GRK3: variants seen among roughly 807,000 people sequenced by gnomAD.
The protein encoded by GRK3 is adrenergic, beta, receptor kinase 2.
A neutral mutation model predicts 95.7 loss-of-function variants in GRK3; 54 were observed. The ratio of observed to expected loss-of-function variants is 0.56; its 90% CI spans 0.45 to 0.71. GRK3 has a LOEUF of 0.71. GRK3 is among the 30% of genes least tolerant of loss of function. The probability of loss-of-function intolerance (pLI) is 0.00; values close to 1 mark genes in which losing one functional copy is unlikely to be tolerated. For synonymous variants in GRK3, 281 were observed against 290.8 expected (o/e 0.97, Z 0.34); for missense variants, 649 against 851.2 (o/e 0.76, Z 2.96).
At chr22:25,585,297 G>T (rs1266775867) in intron 1 of GRK3, among the ~76,000 whole-genome samples, 2 of 152,268 alleles carry the variant, frequency 1.3e-5, no homozygotes, top group East Asian at 1.9e-4. Context: ...CTATGTAACC[G>T]CAATAGAGGT....
intron 17 of GRK3, 53 bp downstream of exon 17, chr22:25,711,216 C>G (rs965908682): frequency 7.8e-7 from 1 of 1,281,012 alleles, no homozygotes; most frequent in Non-Finnish European, 1.1e-6. Context: ...GGGATGATTT[C>G]TGTTGGAAAT....
At chr22:25,710,726 A>G (rs747087744) in intron 16 of GRK3, among the ~76,000 whole-genome samples, 111 of 152,174 alleles carry the variant, frequency 7.3e-4, no homozygotes, top group Non-Finnish European at 1.2e-3. Context: ...GGCTCCGGCA[A>G]CCCAAAGGTG....
At chr22:25,597,570 T>C (rs1443828659) in intron 1 of GRK3, among the ~76,000 whole-genome samples, 1 of 152,078 alleles carries the variant, frequency 6.6e-6, no homozygotes, top group Non-Finnish European at 1.5e-5. Flanking sequence ...TGTACAATTA[T>C]TATGTGTCAG....
At chr22:25,681,537 A>G (rs1025555541) in intron 9 of GRK3, among the ~76,000 whole-genome samples, 1 of 152,040 alleles carries the variant, frequency 6.6e-6, no homozygotes, top group African/African-American at 2.4e-5. Flanking sequence ...GGAGAGAGAC[A>G]TGAAGGCCAG....
In GRK3 at chr22:25,594,896, T is replaced by A. The variant is rs1036146465; in HGVS notation, c.114-9481T>A. On this transcript the variant is annotated intron_variant, in intron 1 of 20. Transcript: ENST00000324198. ...TCCATCTCAAAAATAAATAAATAAA[T>A]AAAATAAATAAATAAAAACAAAACC... is the stretch of plus-strand genomic sequence containing the variant. Among the ~76,000 whole-genome samples, 3 of 151,340 alleles carry A rather than the reference T, an allele frequency of 2.0e-5. 1 individual carries two copies. The highest frequency in any genetic ancestry group is 1.9e-4 in the East Asian group (1 of 5,170).
chr22:25,718,427 A>G (rs1461378458), intron 19 of GRK3, 46 bp downstream of exon 19: 2 of 1,592,546 alleles, frequency 1.3e-6, no homozygotes, highest in Non-Finnish European at 8.6e-7. Context: ...AGTACGTACA[A>G]TGGCATATGG....
Position 25,695,164 on chromosome 22 carries a change from C to G in GRK3, c.1110C>G (p.Ser370Arg). Residue 370 changes from serine (S) to arginine (R), a missense_variant, in exon 13 of 21, where the codon AGC (serine) becomes AGG (arginine). Physicochemically the swap from Ser to Arg is moderately radical, Grantham distance 110. Around this residue, in one of 3 missense-constraint regions of GRK3, gnomAD observed 382 missense variants for 493.8 expected, o/e 0.77. Coordinates refer to ENST00000324198, the MANE Select transcript of GRK3 (RefSeq NM_005160.4). ...EVLQKGTAYD[S>R]SADWFSLGCM... ...TGCAGAAGGGGACGGCCTATGACAG[C>G]AGTGCCGACTGGTTCTCCCTGGGCT... is the stretch of plus-strand genomic sequence containing the variant. The G allele has an allele frequency of 6.2e-7, 1 of 1,614,150 alleles. No homozygotes were observed. Among genetic ancestry groups the G allele is most frequent in the Non-Finnish European group, 8.5e-7 (1 of 1,179,998 alleles).
At chr22:25,668,957 A>T (rs1208377634) in intron 6 of GRK3, among the ~76,000 whole-genome samples, 1 of 152,334 alleles carries the variant, frequency 6.6e-6, no homozygotes, top group East Asian at 1.9e-4. Context: ...TCATAGCCTC[A>T]CAGTAAATGC....
At chr22:25,669,140 C>T (rs1327848711) in intron 6 of GRK3, among the ~76,000 whole-genome samples, 1 of 152,140 alleles carries the variant, frequency 6.6e-6, no homozygotes, top group Non-Finnish European at 1.5e-5. Context: ...AGCACAGGGA[C>T]TCCATCAATA....
chr22:25,696,944 C>G (rs1392731226), intron 13 of GRK3, among the ~76,000 whole-genome samples: 3 of 152,184 alleles, frequency 2.0e-5, no homozygotes, highest in Non-Finnish European at 4.4e-5. Flanking sequence ...CAGAGAAAGC[C>G]ATTTCCCCTA....
At chr22:25,721,204 TCTA>T (rs2085429915) in intron 19 of GRK3, 77 bp from the exon 20 acceptor site, 2 of 700,284 alleles carry the variant, frequency 2.9e-6, no homozygotes, top group Admixed American at 3.0e-5. Context: ...TTTTACTTGT[TCTA>T]ACTTGGTAGT....
intron 1 of GRK3, among the ~76,000 whole-genome samples, chr22:25,585,046 T>C (rs530059267): frequency 8.3e-4 from 126 of 152,248 alleles, no homozygotes; most frequent in Non-Finnish European, 1.3e-3. Context: ...ACCACTGGCC[T>C]GGAGTTATTC....
chr22:25,616,627 A>G (rs2084541205), intron 2 of GRK3, among the ~76,000 whole-genome samples: 1 of 152,222 alleles, frequency 6.6e-6, no homozygotes, highest in Admixed American at 6.5e-5. Flanking sequence ...GCTGTGAGAG[A>G]CGATGCTGGC....
intron 12 of GRK3, among the ~76,000 whole-genome samples, chr22:25,692,821 G>T (rs1348491265): frequency 6.6e-6 from 1 of 152,174 alleles, no homozygotes; most frequent in Admixed American, 6.5e-5. Context: ...TACTCTTTAC[G>T]CTGTGTGGAT....
intron 3 of GRK3, chr22:25,647,725 G>A (rs2146386351): frequency 6.9e-6 from 9 of 1,299,362 alleles, no homozygotes; most frequent in Non-Finnish European, 1.0e-5. Flanking sequence ...TTCCATTCAG[G>A]CAGAAGAATG....
chr22:25,574,821 T>C (rs749377664), intron 1 of GRK3, among the ~76,000 whole-genome samples: 53 of 152,220 alleles, frequency 3.5e-4, no homozygotes, highest in Admixed American at 1.1e-3. Flanking sequence ...ATAAATATCG[T>C]CATCACCAGT....
At chr22:25,649,299 A>G (rs2084810879) in intron 3 of GRK3, 5 of 795,022 alleles carry the variant, frequency 6.3e-6, no homozygotes, top group Admixed American at 2.1e-5. Context: ...TAGAATTTCT[A>G]CAGGGATCAA....
rs909783452 is a variant in GRK3, at chr22:25,728,339, A to G, written c.*5889A>G. ...TCAGAAGGCTTCTTGCTTGTTGACAAGTACCGCAAAGGCTTTATTCTGGAC... is the reference window on the plus strand; with the variant it reads ...TCAGAAGGCTTCTTGCTTGTTGACAGGTACCGCAAAGGCTTTATTCTGGAC... On this transcript the variant is annotated 3_prime_UTR_variant, in exon 21 of 21. Transcript: ENST00000324198. The G allele has an allele frequency of 8.5e-5, 13 of 152,246 alleles. No homozygotes were observed. Among genetic ancestry groups the G allele is most frequent in the African/African-American group, 3.1e-4 (13 of 41,472 alleles). 9.4% of individuals were successfully genotyped at this position (152,246 alleles called of 1,614,324 possible). A position where few individuals can be genotyped will look rare whatever the true frequency, so the allele number is the denominator to read the frequency against.
rs1370483107 is a variant in GRK3, at chr22:25,723,872, C to G, written c.*1422C>G. 2 of 150,532 alleles carry G rather than the reference C, an allele frequency of 1.3e-5. No individual in the cohort carries two copies. Among genetic ancestry groups the G allele is most frequent in the South Asian group, 4.2e-4 (2 of 4,760 alleles). 9.3% of individuals were successfully genotyped at this position (150,532 alleles called of 1,614,324 possible). On this transcript the variant is annotated 3_prime_UTR_variant, in exon 21 of 21. Transcript: ENST00000324198. Reference sequence around the variant, plus strand: ...GCTGTGTTCATGGGCAAAGTAAGTACTTTTTAATGCAGTTATTTTGAGAGT... The same window carrying G: ...GCTGTGTTCATGGGCAAAGTAAGTAGTTTTTAATGCAGTTATTTTGAGAGT...
Sources: allele counts gnomAD v4.1 joint callset (sites outside exome capture counted in the v4.1 genomes callset), GRCh38; gene constraint gnomAD v4.1.1; regional missense constraint gnomAD v4.1.1; transcripts MANE v1.5; gene names NCBI Gene and HGNC (gene_info 2026-07-23, HGNC 2026-07-21).